UGT1A7: variants seen among roughly 807,000 people sequenced by gnomAD.
UGT1A7 encodes UDP glucuronosyltransferase family 1 member A7.
A neutral mutation model predicts 45.6 loss-of-function variants in UGT1A7; 33 were observed. The ratio of observed to expected loss-of-function variants is 0.72; its 90% CI spans 0.55 to 0.97. UGT1A7 has a LOEUF of 0.97. Among genes scored for constraint, UGT1A7 ranks in the 50% least tolerant of loss-of-function variants. The probability of loss-of-function intolerance (pLI) is 0.00; values close to 1 mark genes in which losing one functional copy is unlikely to be tolerated. For missense variants in UGT1A7, 684 were observed against 666.2 expected, an observed-to-expected ratio of 1.03 and a Z score of -0.29; for synonymous variants, 274 against 250.6, an observed-to-expected ratio of 1.09 and a Z score of -0.88.
intron 1 of UGT1A7, chr2:233,719,040 T>C (rs1243491139): frequency 6.2e-7 from 1 of 1,614,170 alleles, no homozygotes; most frequent in South Asian, 1.1e-5. Flanking sequence ...AGAAGAGAAA[T>C]TTTTCACCCT....
intron 1 of UGT1A7, among the ~76,000 whole-genome samples, chr2:233,757,560 A>ATATATATATATATATACATATATATATG (rs904896556): frequency 8.1e-6 from 1 of 123,146 alleles, no homozygotes; most frequent in African/African-American, 3.4e-5. Context: ...ATATATATAT[A>ATATATATATATATATACATATATATATG]TGTATATATG....
intron 1 of UGT1A7, among the ~76,000 whole-genome samples, chr2:233,715,455 G>C (rs2076453035): frequency 6.6e-6 from 1 of 151,790 alleles, no homozygotes; most frequent in African/African-American, 2.4e-5. Flanking sequence ...GTTATTTTTT[G>C]AATTCCCCAT....
Position 233,769,872 on chromosome 2 carries a change from A to G in UGT1A7, c.1295+1433A>G. 2.2e-6 allele frequency: 1 copy of G among 452,556 alleles called. No individual in the cohort carries two copies. The highest frequency in any genetic ancestry group is 3.7e-6 in the Non-Finnish European group (1 of 267,272). The allele number at this position is 452,556 out of a possible 1,614,324, so 28.0% of individuals were successfully genotyped here. A position where few individuals can be genotyped will look rare whatever the true frequency, so the allele number is the denominator to read the frequency against. ...GACCCTGTCTCAAAAAAAAAAAAAA[A>G]AATGAAAAGTCCACATAACCTGAGC... On this transcript the variant is annotated intron_variant, in intron 4 of 4. Coordinates refer to ENST00000373426, the MANE Select transcript of UGT1A7 (RefSeq NM_019077.3). The surrounding 1 kb of genome is among the most constrained non-coding windows in gnomAD (Gnocchi z 4.4).
chr2:233,704,256 C>CTAT (rs1553607930), intron 1 of UGT1A7, among the ~76,000 whole-genome samples: 4 of 123,680 alleles, frequency 3.2e-5, no homozygotes, highest in African/African-American at 1.3e-4. Context: ...GCCTTTATTG[C>CTAT]TTTTTTTTTT....
intron 1 of UGT1A7, among the ~76,000 whole-genome samples, chr2:233,703,998 C>A (rs2075762897): frequency 6.6e-6 from 1 of 151,952 alleles, no homozygotes; most frequent in South Asian, 2.1e-4. Flanking sequence ...TCAAGCAGTT[C>A]TCCCACCTCA....
At chr2:233,725,000 CG>C (rs201780710) in intron 1 of UGT1A7, among the ~76,000 whole-genome samples, 7,734 of 147,282 alleles carry the variant, frequency 0.053, 1,119 homozygotes, top group African/African-American at 0.18. Context: ...GGCTGGAGAC[CG>C]GCCCGGCCAA....
rs528932470 is a variant in UGT1A7, at chr2:233,768,499, A to C, written c.1295+60A>C. ...TGGCATTCATGATAAAATTGTTTCA[A>C]ATATGAAAACATTTACGTAGCATTT... On this transcript the variant is annotated intron_variant, in intron 4 of 4. Coordinates refer to ENST00000373426, the MANE Select transcript of UGT1A7 (RefSeq NM_019077.3). 123 of 1,570,454 alleles carry C rather than the reference A, an allele frequency of 7.8e-5. No individual in the cohort carries two copies. The East Asian group carries it at 1.6e-3, about 20-fold the overall frequency.
At chr2:233,745,616 T>G (rs1169913759) in intron 1 of UGT1A7, among the ~76,000 whole-genome samples, 1 of 151,452 alleles carries the variant, frequency 6.6e-6, no homozygotes, top group African/African-American at 2.4e-5. Context: ...AAGCACACAA[T>G]GAACAGTCAT....
intron 1 of UGT1A7, among the ~76,000 whole-genome samples, chr2:233,715,001 C>T (rs1309641293): frequency 6.6e-6 from 1 of 152,178 alleles, no homozygotes; most frequent in South Asian, 2.1e-4. Flanking sequence ...CTCAGCCTCC[C>T]AAGTAGCTGG....
chr2:233,754,673 A>G, intron 1 of UGT1A7: 2 of 470,398 alleles, frequency 4.3e-6, no homozygotes, highest in Non-Finnish European at 8.4e-6. Flanking sequence ...TGATTTTTTT[A>G]CCATCAACTA....
intron 1 of UGT1A7, chr2:233,718,627 T>C (rs1335320809): frequency 1.1e-6 from 1 of 929,164 alleles, no homozygotes; most frequent in Non-Finnish European, 1.3e-6. Flanking sequence ...GTGATTGGTC[T>C]TTCCCAGGGT....
chr2:233,712,407 T>A (rs977773031), intron 1 of UGT1A7, among the ~76,000 whole-genome samples: 1 of 152,214 alleles, frequency 6.6e-6, no homozygotes, highest in East Asian at 1.9e-4. Context: ...GAGTCCTCTT[T>A]GAGCTTTACA....
chr2:233,727,408 C>T (rs1347746935), intron 1 of UGT1A7, among the ~76,000 whole-genome samples: 2 of 152,116 alleles, frequency 1.3e-5, no homozygotes, highest in Non-Finnish European at 2.9e-5. Flanking sequence ...ACATGGGCCT[C>T]CTCAGGGTCT....
intron 1 of UGT1A7, among the ~76,000 whole-genome samples, chr2:233,690,060 C>T (rs1252081460): frequency 1.3e-5 from 2 of 152,154 alleles, no homozygotes; most frequent in African/African-American, 4.8e-5. Context: ...TTCTGCAGCC[C>T]CACCTCACAG....
chr2:233,743,581 A>C lies in UGT1A7; in HGVS notation c.856-23453A>C, dbSNP rs28900376. 32 of 1,367,320 alleles carry C rather than the reference A, an allele frequency of 2.3e-5. No individual in the cohort carries two copies. The East Asian group carries it at 4.1e-4, about 17-fold the overall frequency. 84.7% of individuals were successfully genotyped at this position (1,367,320 alleles called of 1,614,324 possible). Reference sequence around the variant, plus strand: ...TCTCCAGCGGGTTTCCCAAGAGGTCAAAGGAGAATGGGTCCTGGCCGCCGA... The same window carrying C: ...TCTCCAGCGGGTTTCCCAAGAGGTCCAAGGAGAATGGGTCCTGGCCGCCGA... On this transcript the variant is annotated intron_variant, in intron 1 of 4. Transcript: ENST00000373426.
chr2:233,691,901 C>A (rs1410907796), intron 1 of UGT1A7: 2 of 153,208 alleles, frequency 1.3e-5, no homozygotes, highest in Non-Finnish European at 2.9e-5. Context: ...GACACAGCTC[C>A]TGAAACCATA....
chr2:233,691,501 C>T (rs1209738055), intron 1 of UGT1A7: 3 of 985,626 alleles, frequency 3.0e-6, no homozygotes, highest in South Asian at 4.7e-5. Context: ...AACAGGAACT[C>T]GCGTGCCAGC....
chr2:233,732,613 T>C (rs1008182580), intron 1 of UGT1A7, among the ~76,000 whole-genome samples: 11 of 152,338 alleles, frequency 7.2e-5, no homozygotes, highest in Admixed American at 4.6e-4. Context: ...ATCAAATGGT[T>C]GTAGATGTGT....
chr2:233,772,326 C>A lies in UGT1A7; in HGVS notation c.1360C>A (p.Leu454Met), dbSNP rs767264478. ...HKDRPVEPLDLAVFWVEFVMR... is the reference protein window; with the variant it reads ...HKDRPVEPLDMAVFWVEFVMR... The stretch of plus-strand genomic sequence containing the variant: ...GGACCGCCCGGTGGAGCCGCTGGAC[C>A]TGGCCGTGTTCTGGGTGGAGTTTGT... The change falls in exon 5 of 5, where the codon CTG becomes ATG. Residue 454 changes from leucine (L) to methionine (M), a missense_variant. Coordinates refer to ENST00000373426, the MANE Select transcript of UGT1A7 (RefSeq NM_019077.3). 1 of 1,614,166 alleles carries A rather than the reference C, an allele frequency of 6.2e-7. No homozygotes were observed. The highest frequency in any genetic ancestry group is 8.5e-7 in the Non-Finnish European group (1 of 1,180,028).
Sources: allele counts gnomAD v4.1 joint callset (sites outside exome capture counted in the v4.1 genomes callset), GRCh38; gene constraint gnomAD v4.1.1; non-coding constraint Gnocchi (gnomAD v3.1); transcripts MANE v1.5; gene names NCBI Gene and HGNC (gene_info 2026-07-23, HGNC 2026-07-21).